The following JADE1 variants were observed in gnomAD, a reference collection of about 807,000 sequenced individuals.
JADE1 encodes the protein jade family PHD finger 1, also known as protein Jade-1.
JADE1 carries 14 observed loss-of-function variants against 81.8 expected under a neutral mutation model. That is an observed-to-expected ratio of 0.17 (90% CI 0.11 to 0.27). The LOEUF is 0.27. Among genes scored for constraint, JADE1 ranks in the 10% least tolerant of loss-of-function variants. The probability of loss-of-function intolerance (pLI) is 1.00; values close to 1 mark genes in which losing one functional copy is unlikely to be tolerated. For synonymous variants in JADE1, 353 were observed against 391.9 expected, an observed-to-expected ratio of 0.90 and a Z score of 1.17; for missense variants, 690 against 1,047.9, an observed-to-expected ratio of 0.66 and a Z score of 4.71.
At chr4:128,824,636 A>G (rs1241517222) in intron 1 of JADE1, among the ~76,000 whole-genome samples, 3 of 152,248 alleles carry the variant, frequency 2.0e-5, no homozygotes, top group Non-Finnish European at 4.4e-5. Context: ...CTCAAATTCA[A>G]TAAAGTGGAG....
rs1248526167 is a variant in JADE1 at position 128,809,999 on chromosome 4, G to GGCGGCTGCA, written c.-27+124_-27+132dup. ...CGGCGGCGACGGCGGCGGCGGCGGC[G>GGCGGCTGCA]GCGGCTGCAGGACGAGCCGAGAGGC... On this transcript the variant is annotated intron_variant, in intron 1 of 10. Transcript: ENST00000226319. The GGCGGCTGCA allele has an allele frequency of 8.0e-5, 13 of 161,572 alleles. No individual in the cohort carries two copies. The South Asian group carries it at 2.2e-3, about 28-fold the overall frequency. 10.0% of individuals were successfully genotyped at this position (161,572 alleles called of 1,614,324 possible). A position where few individuals can be genotyped will look rare whatever the true frequency, so the allele number is the denominator to read the frequency against.
At chr4:128,831,204 G>A (rs1009333841) in intron 1 of JADE1, among the ~76,000 whole-genome samples, 7 of 152,150 alleles carry the variant, frequency 4.6e-5, no homozygotes, top group African/African-American at 1.4e-4. Context: ...GGAGACATTT[G>A]CATTCCATTA....
chr4:128,838,895 T>C (rs534755239), intron 2 of JADE1, among the ~76,000 whole-genome samples: 132 of 152,222 alleles, frequency 8.7e-4, no homozygotes, highest in African/African-American at 2.9e-3. Context: ...TCTGTAGATG[T>C]AGGTGCATTC....
intron 2 of JADE1, among the ~76,000 whole-genome samples, chr4:128,841,933 A>G (rs1276295118): frequency 2.0e-5 from 3 of 152,106 alleles, no homozygotes; most frequent in Non-Finnish European, 4.4e-5. Flanking sequence ...AAGAGATCAG[A>G]CTTGGCAGCA....
At chr4:128,862,401 T>G in intron 9 of JADE1, 176 bp downstream of exon 9, 1 of 1,427,096 alleles carries the variant, frequency 7.0e-7, no homozygotes, top group Non-Finnish European at 9.1e-7. Context: ...ATTGTACATA[T>G]GTGCAAAACT....
At chr4:128,815,899 G>T (rs962695796) in intron 1 of JADE1, among the ~76,000 whole-genome samples, 1 of 152,230 alleles carries the variant, frequency 6.6e-6, no homozygotes, top group Middle Eastern at 3.4e-3. Context: ...TTTTATTTGG[G>T]TTGGCATTAA....
At chr4:128,816,666 A>G (rs1727058190) in intron 1 of JADE1, among the ~76,000 whole-genome samples, 1 of 152,202 alleles carries the variant, frequency 6.6e-6, no homozygotes, top group Admixed American at 6.5e-5. Flanking sequence ...TTTACGTTTA[A>G]TCCCTTAGAC....
rs1475671200 is a variant in JADE1 at position 128,832,667 on chromosome 4, AACAGAT to A, written c.52+870_52+875del. On this transcript the variant is annotated intron_variant, in intron 2 of 10. Transcript: ENST00000226319. ...AGATGTCTTTTTGATGCACTGTGGA[AACAGAT>A]ACAGATACAGATTCAGAGGAGGGGA... is the stretch of plus-strand genomic sequence containing the variant. Among the ~76,000 whole-genome samples the A allele has an allele frequency of 1.6e-4, 24 of 152,384 alleles. No homozygotes were observed. The East Asian group carries it at 3.9e-3, about 24-fold the overall frequency.
Position 128,871,370 on chromosome 4 carries a change from GCTC to G in JADE1, c.1647_1649del (p.Ser550del), listed in dbSNP as rs781349520. 11 of 1,612,914 alleles carry G rather than the reference GCTC, an allele frequency of 6.8e-6. No individual in the cohort carries two copies. The East Asian group carries it at 8.9e-5, about 13-fold the overall frequency. On this transcript the variant is annotated inframe_deletion, in exon 11 of 11. Coordinates refer to ENST00000226319, the MANE Select transcript of JADE1 (RefSeq NM_199320.4). This position sits in a 1 kb window ranked among gnomAD's most constrained non-coding sequence, Gnocchi z 4.1. ...ATGTTTATAGGTGTGCCTTCTTCCT[GCTC>G]CTCCTCCTCACTGGAAAACATGCTT...
chr4:128,812,152 G>GGGCGGC (rs1398052527), intron 1 of JADE1, among the ~76,000 whole-genome samples: 1 of 151,918 alleles, frequency 6.6e-6, no homozygotes, highest in Admixed American at 6.5e-5. Context: ...CAAATGGAGA[G>GGGCGGC]GGCGGCGGCG....
chr4:128,830,788 T>C (rs1024624058), intron 1 of JADE1, among the ~76,000 whole-genome samples: 4 of 152,230 alleles, frequency 2.6e-5, no homozygotes, highest in Non-Finnish European at 5.9e-5. Flanking sequence ...TGTGTGAATA[T>C]AACCGCGAGA....
intron 1 of JADE1, among the ~76,000 whole-genome samples, chr4:128,831,217 C>T (rs962121818): frequency 6.6e-6 from 1 of 152,112 alleles, no homozygotes; most frequent in Non-Finnish European, 1.5e-5. Flanking sequence ...TTCCATTACC[C>T]GATTTGTTTT....
intron 6 of JADE1, among the ~76,000 whole-genome samples, chr4:128,853,344 A>G (rs1730527540): frequency 6.6e-6 from 1 of 152,178 alleles, no homozygotes; most frequent in African/African-American, 2.4e-5. Flanking sequence ...CTTTTAGAGG[A>G]CACAATTTGC....
At chr4:128,831,948 C>T (rs1728595439) in intron 2 of JADE1, 138 bp downstream of exon 2, 6 of 761,416 alleles carry the variant, frequency 7.9e-6, no homozygotes, top group South Asian at 4.7e-5. Flanking sequence ...CCTGGAGAAA[C>T]GTACCTGAGT....
At chr4:128,823,844 A>G (rs1010484421) in intron 1 of JADE1, among the ~76,000 whole-genome samples, 4 of 152,308 alleles carry the variant, frequency 2.6e-5, no homozygotes, top group African/African-American at 9.6e-5. Context: ...CCAGTTGGAA[A>G]ACTTCATATT....
At chr4:128,847,523 G>C (rs923442635) in intron 4 of JADE1, among the ~76,000 whole-genome samples, 2 of 152,242 alleles carry the variant, frequency 1.3e-5, no homozygotes, top group African/African-American at 4.8e-5. Context: ...GTGGAATGGA[G>C]TGGTCATGGG....
intron 10 of JADE1, among the ~76,000 whole-genome samples, chr4:128,869,059 A>C (rs1731993328): frequency 6.6e-6 from 1 of 152,230 alleles, no homozygotes; most frequent in Non-Finnish European, 1.5e-5. Context: ...TGGTTTATCT[A>C]ACCAATTATG....
rs1283269349 is a variant in JADE1, at chr4:128,827,862, G to A, written c.-26-3871G>A. 16 of 985,006 alleles carry A rather than the reference G, an allele frequency of 1.6e-5. No individual in the cohort carries two copies. In the Admixed American group the frequency reaches 9.8e-4, roughly 61 times the overall value. The allele number at this position is 985,006 out of a possible 1,614,324, so 61.0% of individuals were successfully genotyped here. ...TTGGCTATAAGGTGAGAATGGATGT[G>A]TATGAAGATGCTACCCAGAGTAATA... On this transcript the variant is annotated intron_variant, in intron 1 of 10. Transcript: ENST00000226319.
At position 128,847,819 on chromosome 4, in the gene JADE1, A is replaced by G. The variant is rs185014667; in HGVS notation, c.297-1161A>G. Among the ~76,000 whole-genome samples the G allele has an allele frequency of 5.1e-4, 78 of 152,312 alleles. 1 individual carries two copies. Among genetic ancestry groups the G allele is most frequent in the Admixed American group, 3.5e-3 (54 of 15,298 alleles). ...ACGTAGATAAAATCACTCCCGTAAT[A>G]TAAGGGTGATGAAGGTACTCTGACA... On this transcript the variant is annotated intron_variant, in intron 4 of 10. Coordinates refer to ENST00000226319, the MANE Select transcript of JADE1 (RefSeq NM_199320.4).
Sources: gnomAD v4.1 joint callset for allele counts (sites outside exome capture counted in the v4.1 genomes callset) on GRCh38, gnomAD v4.1.1 for gene constraint, Gnocchi (gnomAD v3.1) non-coding constraint, MANE v1.5 for transcripts, NCBI Gene and HGNC (gene_info 2026-07-23, HGNC 2026-07-21) for gene names.